Variants in DMD observed in about 807,000 individuals in gnomAD.
DMD encodes the protein dystrophin.
A neutral mutation model predicts 330.1 loss-of-function variants in DMD; 63 were observed. That is an observed-to-expected ratio of 0.19 (90% CI 0.16 to 0.24). The LOEUF (loss-of-function observed/expected upper bound fraction) is 0.24. DMD is among the 10% of genes least tolerant of loss of function. The pLI, the probability that DMD is intolerant of heterozygous loss-of-function variation, is 1.00. For synonymous variants in DMD, 1,223 were observed against 959.8 expected, an observed-to-expected ratio of 1.27 and a Z score of -5.07; for missense variants, 3,344 against 2,684.1, an observed-to-expected ratio of 1.25 and a Z score of -5.43.
At chrX:31,265,431 T>C (rs895611468) in intron 62 of DMD, among the ~76,000 whole-genome samples, 23 of 111,454 alleles carry the variant, frequency 2.1e-4, no homozygotes, top group Middle Eastern at 4.6e-3. Context: ...TCTTGTTCCC[T>C]GGGATATTTA....
chrX:31,374,117 A>G (rs1165471382), intron 60 of DMD, among the ~76,000 whole-genome samples: 17 of 86,056 alleles, frequency 2.0e-4, no homozygotes, highest in Non-Finnish European at 3.1e-4. Flanking sequence ...CAAAACCACA[A>G]TGAGATACCA....
intron 50 of DMD, among the ~76,000 whole-genome samples, chrX:31,779,685 T>TTGTGTG (rs34110475): frequency 0.11 from 10,764 of 99,984 alleles, 471 homozygotes; most frequent in Non-Finnish European, 0.13. Flanking sequence ...GATACACACA[T>TTGTGTG]TGTGTGTGTG....
chrX:31,419,561 A>G (rs1260768529), intron 60 of DMD, among the ~76,000 whole-genome samples: 1 of 111,302 alleles, frequency 9.0e-6, no homozygotes, highest in Admixed American at 9.6e-5. Flanking sequence ...GAATGAAATA[A>G]TTGCATAACA....
intron 2 of DMD, among the ~76,000 whole-genome samples, chrX:32,887,773 AAAAC>A (rs747005706): frequency 9.7e-6 from 1 of 103,502 alleles, no homozygotes; most frequent in African/African-American, 3.6e-5. Context: ...AAAAAAAAAA[AAAAC>A]ATCAACTAAA....
chrX:31,773,810 T>C, intron 51 of DMD, 150 bp downstream of exon 51: 1 of 427,096 alleles, frequency 2.3e-6, no homozygotes, highest in East Asian at 4.5e-5. Context: ...TTGATTATAC[T>C]TAGGCTGAAT....
At chrX:32,336,021 A>G (rs751741223) in intron 41 of DMD, among the ~76,000 whole-genome samples, 1 of 98,972 alleles carries the variant, frequency 1.0e-5, no homozygotes, top group Non-Finnish European at 2.1e-5. Context: ...TATAACGTGT[A>G]TATATAACGT....
intron 60 of DMD, among the ~76,000 whole-genome samples, chrX:31,425,712 G>A (rs12011154): frequency 5.1e-4 from 50 of 98,648 alleles, no homozygotes; most frequent in African/African-American, 1.4e-3. Context: ...ACACACACAC[G>A]CACACAATAC....
intron 52 of DMD, among the ~76,000 whole-genome samples, chrX:31,716,854 C>CAT (rs1401626541): frequency 6.5e-4 from 60 of 92,693 alleles, no homozygotes; most frequent in African/African-American, 2.1e-3. Flanking sequence ...CACACACACA[C>CAT]ACATATATAT....
chrX:31,877,602 G>T (rs749078650), intron 47 of DMD, among the ~76,000 whole-genome samples: 1 of 110,846 alleles, frequency 9.0e-6, no homozygotes, highest in Non-Finnish European at 1.9e-5. Flanking sequence ...TTGAGATATT[G>T]TTCTCTTTGC....
At chrX:31,138,059 C>A (rs1416368058) in intron 76 of DMD, among the ~76,000 whole-genome samples, 5 of 111,928 alleles carry the variant, frequency 4.5e-5, no homozygotes, top group African/African-American at 1.6e-4. Flanking sequence ...GATTTGGCCA[C>A]ATAACCTGCT....
At chrX:32,317,004 T>A (rs981225062) in intron 41 of DMD, among the ~76,000 whole-genome samples, 7 of 111,402 alleles carry the variant, frequency 6.3e-5, no homozygotes, top group African/African-American at 2.3e-4. Context: ...TTCAGATTAA[T>A]CCTTTTCATT....
chrX:31,988,947 C>G (rs1272468687), intron 44 of DMD, among the ~76,000 whole-genome samples: 1 of 111,772 alleles, frequency 8.9e-6, no homozygotes, highest in Non-Finnish European at 1.9e-5. Flanking sequence ...GCATGAGAAC[C>G]AAGAAAGCCA....
At chrX:32,883,846 A>AAAAAAAAAGAAAAG (rs2084251414) in intron 2 of DMD, among the ~76,000 whole-genome samples, 2 of 101,967 alleles carry the variant, frequency 2.0e-5, no homozygotes, top group African/African-American at 7.4e-5. Context: ...AAAAAAAAAA[A>AAAAAAAAAGAAAAG]AAAAAGAAAA....
At chrX:32,180,434 A>G in intron 44 of DMD, among the ~76,000 whole-genome samples, 1 of 111,388 alleles carries the variant, frequency 9.0e-6, no homozygotes, top group Non-Finnish European at 1.9e-5. Context: ...CACTGTTAGG[A>G]AAATTGAGAA....
At chrX:32,782,959 TACACACAC>T (rs1312209499) in intron 7 of DMD, among the ~76,000 whole-genome samples, 1 of 103,173 alleles carries the variant, frequency 9.7e-6, no homozygotes, top group East Asian at 3.1e-4. Context: ...CACACACACA[TACACACAC>T]ACATATATAT....
intron 60 of DMD, among the ~76,000 whole-genome samples, chrX:31,437,370 G>T (rs1167098052): frequency 9.0e-6 from 1 of 111,515 alleles, no homozygotes; most frequent in Non-Finnish European, 1.9e-5. Flanking sequence ...TCTATATGTG[G>T]TTACAAATAG....
chrX:32,269,710 G>C (rs1392902111), intron 43 of DMD, among the ~76,000 whole-genome samples: 3 of 111,859 alleles, frequency 2.7e-5, no homozygotes, highest in African/African-American at 9.7e-5. Context: ...TTAATATAAA[G>C]AATTAAAATA....
At chrX:33,220,653 G>T (rs1406325960) in intron 1 of DMD, among the ~76,000 whole-genome samples, 1 of 111,513 alleles carries the variant, frequency 9.0e-6, no homozygotes, top group Non-Finnish European at 1.9e-5. Context: ...TATCACTATT[G>T]CTTGTCATTT....
intron 24 of DMD, among the ~76,000 whole-genome samples, chrX:32,464,067 T>G (rs764500805): frequency 8.1e-5 from 9 of 111,780 alleles, no homozygotes; most frequent in Non-Finnish European, 1.3e-4. Flanking sequence ...ATGACAATGG[T>G]ATAATGAATA....
Sources: allele counts gnomAD v4.1 joint callset (sites outside exome capture counted in the v4.1 genomes callset), GRCh38; gene constraint gnomAD v4.1.1; transcripts MANE v1.5; gene names NCBI Gene and HGNC (gene_info 2026-07-23, HGNC 2026-07-21).